The following SHISA9 variants were observed in gnomAD, a reference collection of about 807,000 sequenced individuals.
SHISA9 encodes shisa family member 9.
SHISA9 carries 13 observed loss-of-function variants against 38.0 expected under a neutral mutation model. The observed-to-expected ratio is 0.34, with a 90% CI of 0.22 to 0.54. The LOEUF is 0.54. Among genes scored for constraint, SHISA9 ranks in the 20% least tolerant of loss-of-function variants. The pLI is 0.91. For synonymous variants in SHISA9, 275 were observed against 242.0 expected, an observed-to-expected ratio of 1.14 and a Z score of -1.27; for missense variants, 538 against 575.8, an observed-to-expected ratio of 0.93 and a Z score of 0.67.
intron 2 of SHISA9, among the ~76,000 whole-genome samples, chr16:13,087,124 C>T (rs1275375213): frequency 8.0e-5 from 12 of 149,324 alleles, no homozygotes; most frequent in African/African-American, 3.0e-4. Context: ...TCATCCATGT[C>T]CCCGCAAAGG....
chr16:13,492,500 C>G, the SHISA9 span, among the ~76,000 whole-genome samples: 1 of 152,178 alleles, frequency 6.6e-6, no homozygotes. Context: ...GCTTTTTAGG[C>G]TGACATCATC....
At chr16:12,931,313 C>T (rs1376722449) in intron 2 of SHISA9, among the ~76,000 whole-genome samples, 1 of 152,050 alleles carries the variant, frequency 6.6e-6, no homozygotes, top group Non-Finnish European at 1.5e-5. Flanking sequence ...TCAGGGGGAC[C>T]ATGCACAGGT....
intron 2 of SHISA9, among the ~76,000 whole-genome samples, chr16:13,003,859 AAAT>A (rs759908367): frequency 9.3e-4 from 131 of 140,614 alleles, no homozygotes; most frequent in South Asian, 2.4e-3. Context: ...CTCCGTCTCA[AAAT>A]AATAATAATA....
chr16:13,003,553 G>A (rs961628791), intron 2 of SHISA9, among the ~76,000 whole-genome samples: 5 of 152,130 alleles, frequency 3.3e-5, no homozygotes, highest in Non-Finnish European at 2.9e-5. Flanking sequence ...CACCACTAAC[G>A]ACAGCAAATA....
At chr16:13,281,696 C>A in the SHISA9 span, among the ~76,000 whole-genome samples, 1 of 151,234 alleles carries the variant, frequency 6.6e-6, no homozygotes, top group East Asian at 1.9e-4. Context: ...AATATATCTT[C>A]TTTGTAAACC....
chr16:13,117,269 C>A (rs1250760553), intron 2 of SHISA9, among the ~76,000 whole-genome samples: 2 of 152,186 alleles, frequency 1.3e-5, no homozygotes, highest in African/African-American at 4.8e-5. Context: ...GCCACTGTGC[C>A]TCGCCTATTT....
chr16:13,222,968 G>A (rs760796643), intron 4 of SHISA9, among the ~76,000 whole-genome samples: 7 of 152,202 alleles, frequency 4.6e-5, no homozygotes, highest in South Asian at 2.1e-4. Context: ...AGGATGCAAC[G>A]TCCTCTACAC....
chr16:13,561,733 G>C, the SHISA9 span, among the ~76,000 whole-genome samples: 3 of 152,204 alleles, frequency 2.0e-5, no homozygotes, highest in Non-Finnish European at 4.4e-5. Flanking sequence ...CCAGGTGATG[G>C]ACTAGGGGAA....
chr16:13,464,328 C>T, the SHISA9 span, among the ~76,000 whole-genome samples: 37 of 152,242 alleles, frequency 2.4e-4, no homozygotes, highest in Non-Finnish European at 4.4e-4. Context: ...TCGATGCCAC[C>T]ATTCTTTCAC....
At chr16:13,271,777 G>C in the SHISA9 span, among the ~76,000 whole-genome samples, 1 of 151,820 alleles carries the variant, frequency 6.6e-6, no homozygotes, top group Non-Finnish European at 1.5e-5. Context: ...TTATGGGGGG[G>C]GTGTGTGTGT....
chr16:13,478,588 C>T, the SHISA9 span, among the ~76,000 whole-genome samples: 3 of 152,298 alleles, frequency 2.0e-5, no homozygotes, highest in Non-Finnish European at 2.9e-5. Flanking sequence ...AGGTCTGTTC[C>T]ACTCTAATAG....
intron 2 of SHISA9, among the ~76,000 whole-genome samples, chr16:12,996,102 T>C (rs2072453947): frequency 6.6e-6 from 1 of 152,246 alleles, no homozygotes; most frequent in South Asian, 2.1e-4. Flanking sequence ...TTTTTATCTG[T>C]TGCCAAAAGC....
intron 2 of SHISA9, among the ~76,000 whole-genome samples, chr16:13,161,801 C>T (rs2050597333): frequency 6.6e-6 from 1 of 152,102 alleles, no homozygotes; most frequent in African/African-American, 2.4e-5. Context: ...GAAAAACCCT[C>T]GTTTTTTTTT....
chr16:13,191,849 T>C (rs2050888529), intron 2 of SHISA9, among the ~76,000 whole-genome samples: 1 of 152,130 alleles, frequency 6.6e-6, no homozygotes, highest in Admixed American at 6.5e-5. Flanking sequence ...CTCTTGAGTA[T>C]TGAAAGCTTT....
chr16:13,118,730 C>CTTTTTTTTTTTTT (rs34471353), intron 2 of SHISA9, among the ~76,000 whole-genome samples: 1 of 130,778 alleles, frequency 7.6e-6, no homozygotes, highest in African/African-American at 2.9e-5. Flanking sequence ...TTTCTTTTTT[C>CTTTTTTTTTTTTT]TTTTTTTTTT....
chr16:13,418,564 G>C, the SHISA9 span, among the ~76,000 whole-genome samples: 14 of 152,150 alleles, frequency 9.2e-5, no homozygotes, highest in Non-Finnish European at 1.3e-4. Flanking sequence ...CTTCCCCCCA[G>C]TATGGCGGTC....
chr16:13,372,346 G>T, the SHISA9 span, among the ~76,000 whole-genome samples: 1 of 152,278 alleles, frequency 6.6e-6, no homozygotes, highest in South Asian at 2.1e-4. Context: ...TGATGGAGAG[G>T]GACAAGGTCC....
chr16:13,127,483 A>G (rs2050271985), intron 2 of SHISA9, among the ~76,000 whole-genome samples: 1 of 151,908 alleles, frequency 6.6e-6, no homozygotes, highest in Non-Finnish European at 1.5e-5. Flanking sequence ...GTAAAAGAGG[A>G]AAGAAAAGAG....
At chr16:13,395,569 A>C in the SHISA9 span, among the ~76,000 whole-genome samples, 8 of 152,260 alleles carry the variant, frequency 5.3e-5, no homozygotes, top group Non-Finnish European at 1.2e-4. Context: ...CTACACACAT[A>C]AATGGCATTG....
Sources: gnomAD v4.1 joint callset for allele counts (sites outside exome capture counted in the v4.1 genomes callset) on GRCh38, gnomAD v4.1.1 for gene constraint, MANE v1.5 for transcripts, NCBI Gene and HGNC (gene_info 2026-07-23, HGNC 2026-07-21) for gene names.